The following CUL4A variants were observed in gnomAD, a reference collection of about 807,000 sequenced individuals.
CUL4A encodes the protein cullin 4A, also known as cullin-4A.
A neutral mutation model predicts 95.5 loss-of-function variants in CUL4A; 16 were observed. The ratio of observed to expected loss-of-function variants is 0.17; its 90% CI spans 0.11 to 0.25. The LOEUF is 0.25. Ranked by LOEUF, CUL4A falls within the 10% of genes least tolerant of loss-of-function variation. CUL4A has a pLI of 1.00. For missense variants in CUL4A, 610 were observed against 937.0 expected, an observed-to-expected ratio of 0.65 and a Z score of 4.56; for synonymous variants, 380 against 353.1, an observed-to-expected ratio of 1.08 and a Z score of -0.85.
At chr13:113,256,965 G>A (rs1021620619) in intron 18 of CUL4A, among the ~76,000 whole-genome samples, 11 of 102,258 alleles carry the variant, frequency 1.1e-4, no homozygotes, top group Non-Finnish European at 1.8e-4. Context: ...TCACTCTGTC[G>A]TCCAGGCTGG....
At chr13:113,244,049 C>G (rs1819907975) in intron 11 of CUL4A, among the ~76,000 whole-genome samples, 2 of 152,216 alleles carry the variant, frequency 1.3e-5, no homozygotes, top group African/African-American at 4.8e-5. Flanking sequence ...AATGTCTCCT[C>G]TGCATTCATG....
chr13:113,254,047 T>C (rs756328398), intron 16 of CUL4A, among the ~76,000 whole-genome samples: 1 of 152,194 alleles, frequency 6.6e-6, no homozygotes, highest in Non-Finnish European at 1.5e-5. Flanking sequence ...TTGCTGACTT[T>C]AGTTGAACTT....
rs1183995240 is a variant in CUL4A at position 113,263,480 on chromosome 13, T to C, written c.2185-7T>C. The C allele has an allele frequency of 6.3e-7, 1 of 1,587,404 alleles. No homozygotes were observed. Among genetic ancestry groups the C allele is most frequent in the Non-Finnish European group, 8.6e-7 (1 of 1,165,090 alleles). ...GTAATTAGGGGGGTTTTATTCTTCTTTTTTAGCCTGGAGATTTGAAAAAGA... is the reference window on the plus strand; with the variant it reads ...GTAATTAGGGGGGTTTTATTCTTCTCTTTTAGCCTGGAGATTTGAAAAAGA... On this transcript the variant is annotated splice_region_variant and splice_polypyrimidine_tract_variant and intron_variant, in intron 19 of 19. Transcript: ENST00000375440.
chr13:113,229,466 C>T lies in CUL4A; in HGVS notation c.459C>T (p.Phe153=), dbSNP rs752111284. Residue 153 remains phenylalanine, a synonymous_variant, in exon 5 of 20, where the codon TTC becomes TTT. Transcript: ENST00000375440. The part of the protein sequence containing the change: ...CRQMIMIRSI[F]LFLDRTYVLQ... ...GTCAGATCATGATCAGAAGCATCTTCCTGTTCTTGGACCGCACCTATGTGC... is the reference window on the plus strand; with the variant it reads ...GTCAGATCATGATCAGAAGCATCTTTCTGTTCTTGGACCGCACCTATGTGC... The T allele has an allele frequency of 1.9e-6, 3 of 1,613,752 alleles. No homozygotes were observed. Among genetic ancestry groups the T allele is most frequent in the Non-Finnish European group, 2.5e-6 (3 of 1,180,012 alleles).
intron 8 of CUL4A, among the ~76,000 whole-genome samples, chr13:113,235,766 C>G (rs143294874): frequency 6.6e-6 from 1 of 151,882 alleles, no homozygotes; most frequent in Non-Finnish European, 1.5e-5. Context: ...GTCAGGAGAT[C>G]GAGACCATCC....
At chr13:113,232,535 C>A (rs1335319088) in intron 5 of CUL4A, among the ~76,000 whole-genome samples, 3 of 152,182 alleles carry the variant, frequency 2.0e-5, no homozygotes, top group Non-Finnish European at 2.9e-5. Flanking sequence ...CCACTGGGGA[C>A]AGTAGGAGTG....
intron 3 of CUL4A, among the ~76,000 whole-genome samples, chr13:113,225,233 T>G (rs1202834767): frequency 1.3e-5 from 2 of 152,160 alleles, no homozygotes. Flanking sequence ...GAGAATACAC[T>G]ATTGACAGAC....
intron 5 of CUL4A, 105 bp downstream of exon 5, chr13:113,229,624 G>A: frequency 1.1e-6 from 1 of 949,758 alleles, no homozygotes; most frequent in Non-Finnish European, 1.6e-6. Context: ...GTGATTACTT[G>A]TGCCTTCCTT....
chr13:113,235,417 T>C (rs1052411592), intron 8 of CUL4A, among the ~76,000 whole-genome samples: 2 of 152,258 alleles, frequency 1.3e-5, no homozygotes, highest in Admixed American at 6.5e-5. Context: ...TTTATGTTAA[T>C]GGAGTATCAC....
Position 113,236,897 on chromosome 13 carries a change from T to C in CUL4A, c.916+7T>C. On this transcript the variant is annotated splice_region_variant and intron_variant, in intron 9 of 19. Transcript: ENST00000375440. The stretch of plus-strand genomic sequence containing the variant: ...ACAGCAATTCTGCAGAAAGGTAGAT[T>C]TCCTAACTCTTGTGCAAATTAAACT... The C allele has an allele frequency of 6.3e-7, 1 of 1,597,756 alleles. No homozygotes were observed. The highest frequency in any genetic ancestry group is 1.7e-4 in the Middle Eastern group (1 of 6,014).
intron 15 of CUL4A, among the ~76,000 whole-genome samples, chr13:113,250,028 C>T (rs367849061): frequency 8.5e-5 from 13 of 152,112 alleles, no homozygotes; most frequent in African/African-American, 3.1e-4. Flanking sequence ...GTATTTTCTC[C>T]CATTCTGTGG....
intron 7 of CUL4A, among the ~76,000 whole-genome samples, chr13:113,234,249 CA>C (rs1456646038): frequency 1.3e-5 from 2 of 152,018 alleles, no homozygotes; most frequent in Non-Finnish European, 2.9e-5. Flanking sequence ...TAAAATAACT[CA>C]AATTTAAGCA....
At chr13:113,233,053 C>T in intron 5 of CUL4A, 124 bp from the exon 6 acceptor site, 1 of 1,001,436 alleles carries the variant, frequency 1.0e-6, no homozygotes, top group South Asian at 1.7e-5. Context: ...TTCTTGGCAC[C>T]TAGATGTAGA....
chr13:113,233,473 C>G, intron 6 of CUL4A, 134 bp downstream of exon 6: 1 of 839,646 alleles, frequency 1.2e-6, no homozygotes, highest in Non-Finnish European at 1.8e-6. Flanking sequence ...TTTAAAATCC[C>G]TAGAAGGGGA....
intron 10 of CUL4A, among the ~76,000 whole-genome samples, chr13:113,240,142 A>G (rs1217113946): frequency 6.6e-6 from 1 of 152,218 alleles, no homozygotes; most frequent in South Asian, 2.1e-4. Context: ...TGGTGCTGAC[A>G]TAGGACCTCC....
chr13:113,244,669 G>A (rs1054087922), intron 12 of CUL4A, among the ~76,000 whole-genome samples, 155 bp downstream of exon 12: 16 of 152,098 alleles, frequency 1.1e-4, no homozygotes, highest in Non-Finnish European at 8.8e-5. Flanking sequence ...GTGAAACCCC[G>A]TCTCTACTAA....
intron 7 of CUL4A, among the ~76,000 whole-genome samples, chr13:113,234,346 T>C (rs1012039540): frequency 6.6e-6 from 1 of 152,110 alleles, no homozygotes; most frequent in Non-Finnish European, 1.5e-5. Context: ...CAAAAAATTT[T>C]CCCAAAAAAA....
At chr13:113,254,348 C>T (rs1157613973) in intron 16 of CUL4A, among the ~76,000 whole-genome samples, 1 of 152,208 alleles carries the variant, frequency 6.6e-6, no homozygotes, top group Non-Finnish European at 1.5e-5. Flanking sequence ...ACTGTAATCC[C>T]AGTACCTGGG....
At position 113,264,741 on chromosome 13, in the gene CUL4A, A is replaced by G. The variant is rs146389784; in HGVS notation, c.*1159A>G. The G allele has an allele frequency of 6.5e-6, 1 of 152,778 alleles. No homozygotes were observed. Among genetic ancestry groups the G allele is most frequent in the East Asian group, 1.9e-4 (1 of 5,194 alleles). The allele number at this position is 152,778 out of a possible 1,614,324, so 9.5% of individuals were successfully genotyped here. ...GATCATGGCATAAGTGTTTAAAGCA[A>G]TATTTTCTGGAATATACCAAGTTTA... On this transcript the variant is annotated 3_prime_UTR_variant, in exon 20 of 20. Coordinates refer to ENST00000375440, the MANE Select transcript of CUL4A (RefSeq NM_001008895.4).
Sources: gnomAD v4.1 joint callset for allele counts (sites outside exome capture counted in the v4.1 genomes callset) on GRCh38, gnomAD v4.1.1 for gene constraint, MANE v1.5 for transcripts, NCBI Gene and HGNC (gene_info 2026-07-23, HGNC 2026-07-21) for gene names.